The following SYNE1 variants were observed in gnomAD, a reference collection of about 807,000 sequenced individuals.
SYNE1 encodes the protein spectrin repeat containing nuclear envelope protein 1.
Under a neutral mutation model 1,111.0 loss-of-function variants are expected in SYNE1, and 616 were observed. The observed-to-expected ratio is 0.55, with a 90% confidence interval of 0.52 to 0.59. SYNE1 has a LOEUF of 0.59. Ranked by LOEUF, SYNE1 falls within the 20% of genes least tolerant of loss-of-function variation. The pLI is 0.00. For synonymous variants in SYNE1, 3,855 were observed against 3,825.8 expected (o/e 1.01, Z -0.28); for missense variants, 10,006 against 10,417.0 (o/e 0.96, Z 1.72).
intron 127 of SYNE1, among the ~76,000 whole-genome samples, chr6:152,194,774 C>T (rs965366971): frequency 1.3e-5 from 2 of 152,134 alleles, no homozygotes; most frequent in Non-Finnish European, 2.9e-5. Context: ...ATCAATTCTG[C>T]TATTAAGAGA....
intron 2 of SYNE1, among the ~76,000 whole-genome samples, chr6:152,629,785 T>C (rs1177957353): frequency 1.3e-5 from 2 of 151,740 alleles, no homozygotes; most frequent in Admixed American, 1.3e-4. Flanking sequence ...TCCCATTGCA[T>C]TTCTAGGTTA....
At chr6:152,232,381 T>A in intron 112 of SYNE1, 116 bp from the exon 113 acceptor site, 1 of 1,136,916 alleles carries the variant, frequency 8.8e-7, no homozygotes, top group Non-Finnish European at 1.3e-6. Flanking sequence ...TAACACTCCT[T>A]AATGACATTT....
chr6:152,514,491 T>G (rs980645826), intron 6 of SYNE1, among the ~76,000 whole-genome samples: 9 of 151,942 alleles, frequency 5.9e-5, no homozygotes, highest in Non-Finnish European at 1.3e-4. Flanking sequence ...GGTAGGGGAC[T>G]AGGGGAGGGA....
rs140402514 is a variant in SYNE1 at position 152,309,944 on chromosome 6, A to T, written c.17093T>A (p.Ile5698Asn). 4.3e-6 allele frequency: 7 copies of T among 1,614,014 alleles called. No individual in the cohort carries two copies. The highest frequency in any genetic ancestry group is 5.9e-6 in the Non-Finnish European group (7 of 1,180,046). ...AVQLCQSALRIPEDVVASLPL... is the reference protein window; with the variant it reads ...AVQLCQSALRNPEDVVASLPL... ...TAAGCTGGCAACCACATCCTCGGGG[A>T]TCCGGAGGGCACTCTGGCAGAGCTG... The change falls in exon 90 of 146, where the codon ATC becomes AAC. Residue 5698 changes from isoleucine to asparagine, a missense_variant. Around this residue, in one of 7 missense-constraint regions of SYNE1, gnomAD observed 4,955 missense variants for 5,017.2 expected, o/e 0.99. Transcript: ENST00000367255.
intron 63 of SYNE1, chr6:152,363,919 T>C: frequency 2.9e-6 from 1 of 347,784 alleles, no homozygotes; most frequent in African/African-American, 2.2e-5. Context: ...TTGCAGTTGC[T>C]CACAACGGTG....
intron 3 of SYNE1, among the ~76,000 whole-genome samples, chr6:152,581,649 G>C (rs1302462266): frequency 6.6e-6 from 1 of 151,944 alleles, no homozygotes; most frequent in Non-Finnish European, 1.5e-5. Context: ...TCCAGTTTTA[G>C]TGCAAACACC....
intron 3 of SYNE1, among the ~76,000 whole-genome samples, chr6:152,606,328 T>G (rs2128728363): frequency 6.6e-6 from 1 of 152,240 alleles, no homozygotes; most frequent in Middle Eastern, 3.4e-3. Context: ...CTAAACCAGC[T>G]TCCAAAGAGT....
intron 144 of SYNE1, 101 bp downstream of exon 144, chr6:152,132,020 TG>T: frequency 9.4e-7 from 1 of 1,063,270 alleles, no homozygotes; most frequent in Non-Finnish European, 1.5e-6. Flanking sequence ...AGCCCTCCTC[TG>T]GAGGGGACGC....
chr6:152,539,052 C>A (rs775420467), intron 4 of SYNE1, among the ~76,000 whole-genome samples: 26 of 152,090 alleles, frequency 1.7e-4, no homozygotes, highest in Non-Finnish European at 3.4e-4. Flanking sequence ...TTTGGGGAAG[C>A]CCCTGATCAA....
At chr6:152,313,845 C>T (rs1312529154) in intron 87 of SYNE1, among the ~76,000 whole-genome samples, 24 of 152,188 alleles carry the variant, frequency 1.6e-4, no homozygotes, top group Non-Finnish European at 8.8e-5. Flanking sequence ...CTCTCTTCAG[C>T]TTCTGAGCCA....
chr6:152,176,859 CTT>C (rs1302833101), intron 129 of SYNE1, among the ~76,000 whole-genome samples: 4 of 152,048 alleles, frequency 2.6e-5, no homozygotes, highest in South Asian at 2.1e-4. Context: ...AAAAATAAAA[CTT>C]AAAAGATTTT....
At chr6:152,336,803 G>T (rs1273045798) in intron 76 of SYNE1, 38 bp downstream of exon 76, 1 of 1,606,660 alleles carries the variant, frequency 6.2e-7, no homozygotes, top group Admixed American at 1.7e-5. Context: ...TACTCTGTTG[G>T]CCTCTTTTAT....
In SYNE1 at chr6:152,233,819, G is replaced by C. The variant is rs768074641; in HGVS notation, c.20674C>G (p.Leu6892Val). The change falls in exon 112 of 146, where the codon CTA (leucine) becomes GTA (valine). Residue 6892 changes from leucine (L) to valine (V), a missense_variant. Physicochemically the swap from Leu to Val is conservative, Grantham distance 32. This residue lies in a region of SYNE1 where 2,182 missense variants were observed against 2,287.8 expected (regional missense o/e 0.95). Transcript: ENST00000367255. ...SRIDSQWTDL[L>V]TNIPAVQEKL... ...TCCTGGACGGCTGGGATATTGGTTA[G>C]CAGGTCAGTCCACTGGCTATCAATG... 6 of 1,614,196 alleles carry C rather than the reference G, an allele frequency of 3.7e-6. No homozygotes were observed. The South Asian group carries it at 6.6e-5, about 18-fold the overall frequency.
chr6:152,521,769 A>G (rs1420494856), intron 5 of SYNE1, among the ~76,000 whole-genome samples: 1 of 152,170 alleles, frequency 6.6e-6, no homozygotes, highest in East Asian at 1.9e-4. Flanking sequence ...TCCTTTTACA[A>G]CATGAATTGT....
chr6:152,192,331 C>T (rs76715584), intron 127 of SYNE1, among the ~76,000 whole-genome samples: 11,408 of 106,608 alleles, frequency 0.11, 569 homozygotes, highest in East Asian at 0.27. Flanking sequence ...CTCTCCAATG[C>T]TAAAAGTGGG....
chr6:152,389,896 G>A (rs551841111), intron 53 of SYNE1, among the ~76,000 whole-genome samples: 32 of 152,274 alleles, frequency 2.1e-4, no homozygotes, highest in African/African-American at 4.8e-4. Flanking sequence ...ATAGATTTAC[G>A]ACTAAGCTCA....
chr6:152,207,707 A>T (rs1357725624), intron 125 of SYNE1, among the ~76,000 whole-genome samples: 4 of 152,200 alleles, frequency 2.6e-5, no homozygotes, highest in Non-Finnish European at 5.9e-5. Flanking sequence ...TTACCTTTTC[A>T]TCCCTGCTGG....
At chr6:152,271,363 C>T (rs569397413) in intron 98 of SYNE1, among the ~76,000 whole-genome samples, 1 of 152,186 alleles carries the variant, frequency 6.6e-6, no homozygotes, top group Non-Finnish European at 1.5e-5. Flanking sequence ...ATAAAACTTT[C>T]TCCCAGATTC....
chr6:152,337,291 ATT>A lies in SYNE1; in HGVS notation c.12352-276_12352-275del, dbSNP rs36122423. On this transcript the variant is annotated intron_variant, in intron 75 of 145. Transcript: ENST00000367255. ...TAATCAGTGTTGTGAAACTCTAATA[ATT>A]TTTTTTTTTTTTTGAGACAGAGTTT... 1.6e-3 allele frequency among the ~76,000 whole-genome samples: 235 copies of A among 146,054 alleles called. No homozygotes were observed. The highest frequency in any genetic ancestry group is 3.0e-3 in the Admixed American group (44 of 14,762).
Sources: gnomAD v4.1 joint callset for allele counts (sites outside exome capture counted in the v4.1 genomes callset) on GRCh38, gnomAD v4.1.1 for gene constraint, gnomAD v4.1.1 regional missense constraint, MANE v1.5 for transcripts, NCBI Gene and HGNC (gene_info 2026-07-23, HGNC 2026-07-21) for gene names.